Variants in CAD observed in about 807,000 individuals in gnomAD.
CAD encodes the protein multifunctional protein CAD.
CAD carries 81 observed loss-of-function variants against 237.2 expected under a neutral mutation model. The observed-to-expected ratio is 0.34, with a 90% confidence interval of 0.29 to 0.41. The LOEUF (loss-of-function observed/expected upper bound fraction) is 0.41. Ranked by LOEUF, CAD falls within the 10% of genes least tolerant of loss-of-function variation. The pLI, the probability that CAD is intolerant of heterozygous loss-of-function variation, is 1.00. For synonymous variants in CAD, 1,196 were observed against 1,162.8 expected (o/e 1.03, Z -0.58); for missense variants, 2,181 against 2,951.7 (o/e 0.74, Z 6.05).
At chr2:27,231,150 C>T (rs984750930) in intron 15 of CAD, among the ~76,000 whole-genome samples, 16 of 152,302 alleles carry the variant, frequency 1.1e-4, no homozygotes, top group East Asian at 1.9e-4. Flanking sequence ...GGGCTACAGG[C>T]GCCCGCCACC....
rs756586955 is a variant in CAD, at chr2:27,218,005, G to T, written c.211G>T (p.Gly71Cys). 2 of 1,607,306 alleles carry T rather than the reference G, an allele frequency of 1.2e-6. No individual in the cohort carries two copies. The part of the protein sequence containing the change: ...GIPPDEMDEF[G>C]LCKWFESSGI... ...CCCCCCAGATGAAATGGATGAGTTC[G>T]GTCTCTGCAAGGTAGCCACACCCAG... Residue 71 changes from glycine to cysteine, a missense_variant, in exon 2 of 44, where the codon GGT becomes TGT. Transcript: ENST00000264705.
chr2:27,217,851 A>G (rs1558524312), intron 1 of CAD, 26 bp from the exon 2 acceptor site: 1 of 1,568,928 alleles, frequency 6.4e-7, no homozygotes, highest in Admixed American at 1.8e-5. Flanking sequence ...GCCCTACCGG[A>G]GCCCAGCCCT....
Position 27,232,982 on chromosome 2 carries a change from A to G in CAD, c.2893-60A>G. On this transcript the variant is annotated intron_variant, in intron 18 of 43. Transcript: ENST00000264705. The surrounding 1 kb of genome is among the most constrained non-coding windows in gnomAD (Gnocchi z 4.1). ...GGGGCTTTGGCTTAGTTTCTCCACG[A>G]TTTTCTCCACGATTTTCCTCCCACC... 5.1e-6 allele frequency: 6 copies of G among 1,175,634 alleles called. No individual in the cohort carries two copies. Among genetic ancestry groups the G allele is most frequent in the Non-Finnish European group, 7.7e-6 (6 of 783,038 alleles). 72.8% of individuals were successfully genotyped at this position (1,175,634 alleles called of 1,614,324 possible). A position where few individuals can be genotyped will look rare whatever the true frequency, so the allele number is the denominator to read the frequency against.
chr2:27,224,611 A>G, intron 9 of CAD, 121 bp downstream of exon 9: 6 of 1,538,052 alleles, frequency 3.9e-6, no homozygotes, highest in Non-Finnish European at 4.4e-6. Context: ...GTAGAGAAAG[A>G]TGTAGTAAGA....
Position 27,231,290 on chromosome 2 carries a change from G to A in CAD, c.2288-178G>A, listed in dbSNP as rs1675739783. Among the ~76,000 whole-genome samples, 4 of 152,260 alleles carry A rather than the reference G, an allele frequency of 2.6e-5. No individual in the cohort carries two copies. The South Asian group carries it at 6.2e-4, about 24-fold the overall frequency. On this transcript the variant is annotated intron_variant, in intron 15 of 43. Coordinates refer to ENST00000264705, the MANE Select transcript of CAD (RefSeq NM_004341.5). The stretch of plus-strand genomic sequence containing the variant: ...CAAAGTGCTGGGATTACAGGCGTGA[G>A]CCACTGCGCCCGGCCATTAAGATTT...
In CAD at chr2:27,225,090, C is replaced by A. The variant is rs773298563; in HGVS notation, c.1467C>A (p.Thr489=). 2 of 1,614,136 alleles carry A rather than the reference C, an allele frequency of 1.2e-6. No homozygotes were observed. The highest frequency in any genetic ancestry group is 2.2e-5 in the South Asian group (2 of 91,076). Reference sequence around the variant, plus strand: ...CTCTGAACTGTGGTGTGGAGCTGACCAAGGCCGGGGTGCTGGCTCGGTATG... The same window carrying A: ...CTCTGAACTGTGGTGTGGAGCTGACAAAGGCCGGGGTGCTGGCTCGGTATG... ...QTALNCGVEL[T]KAGVLARYGV... Residue 489 remains threonine, a synonymous_variant, in exon 11 of 44, where the codon ACC becomes ACA. Transcript: ENST00000264705.
intron 15 of CAD, among the ~76,000 whole-genome samples, chr2:27,230,468 C>A (rs1346481517): frequency 6.6e-6 from 1 of 151,774 alleles, no homozygotes; most frequent in Non-Finnish European, 1.5e-5. Flanking sequence ...GGTGAAATCC[C>A]GTCTCTAATT....
At position 27,225,250 on chromosome 2, in the gene CAD, GGGGT is replaced by G; in HGVS notation, c.1620+9_1620+12del. The G allele has an allele frequency of 6.5e-7, 1 of 1,541,776 alleles. No individual in the cohort carries two copies. Among genetic ancestry groups the G allele is most frequent in the Non-Finnish European group, 9.0e-7 (1 of 1,115,756 alleles). On this transcript the variant is annotated splice_region_variant and intron_variant, in intron 11 of 43. Coordinates refer to ENST00000264705, the MANE Select transcript of CAD (RefSeq NM_004341.5). ...AGCAAATTCTCTTGAACAGGTTGGA[GGGGT>G]GTTTGGGTAAAGGAAGAATGGTGGT...
intron 6 of CAD, 105 bp downstream of exon 6, chr2:27,223,142 G>C (rs1454836134): frequency 1.4e-5 from 18 of 1,242,948 alleles, no homozygotes; most frequent in Middle Eastern, 2.7e-4. Flanking sequence ...AAATAGGAGC[G>C]GGGGGGTTGC....
At position 27,236,833 on chromosome 2, in the gene CAD, A is replaced by G. The variant is rs1418826044; in HGVS notation, c.4396+3A>G. On this transcript the variant is annotated splice_donor_region_variant and intron_variant, in intron 27 of 43. Coordinates refer to ENST00000264705, the MANE Select transcript of CAD (RefSeq NM_004341.5). The surrounding 1 kb of genome is among the most constrained non-coding windows in gnomAD (Gnocchi z 4.1). ...CCAAAAGCTTGTGCGACTGCCGGGT[A>G]AGTCTTTGGGGAGAACTTGGCTTCT... 4 of 1,613,604 alleles carry G rather than the reference A, an allele frequency of 2.5e-6. No homozygotes were observed. The highest frequency in any genetic ancestry group is 3.4e-6 in the Non-Finnish European group (4 of 1,179,704).
intron 6 of CAD, 38 bp downstream of exon 6, chr2:27,223,075 G>A (rs1253536581): frequency 1.2e-6 from 2 of 1,601,202 alleles, no homozygotes; most frequent in Non-Finnish European, 8.5e-7. Context: ...CCATACTTGT[G>A]GCATGAGGGG....
At chr2:27,224,165 C>T (rs1319590177) in intron 8 of CAD, 136 bp downstream of exon 8, 2 of 906,500 alleles carry the variant, frequency 2.2e-6, no homozygotes, top group African/African-American at 1.7e-5. Flanking sequence ...GCAACCAACC[C>T]AAGATACCGT....
Position 27,218,026 on chromosome 2 carries a change from C to T in CAD, c.222+10C>T, listed in dbSNP as rs532358256. The T allele has an allele frequency of 1.6e-5, 25 of 1,583,944 alleles. No homozygotes were observed. The highest frequency in any genetic ancestry group is 2.1e-5 in the Non-Finnish European group (24 of 1,167,380). ...GTTCGGTCTCTGCAAGGTAGCCACA[C>T]CCAGTGCTTTCTCTACATTCCTTTT... On this transcript the variant is annotated intron_variant, in intron 2 of 43. Coordinates refer to ENST00000264705, the MANE Select transcript of CAD (RefSeq NM_004341.5).
intron 15 of CAD, among the ~76,000 whole-genome samples, chr2:27,229,877 A>G (rs796299706): frequency 0.027 from 1,804 of 67,506 alleles, 29 homozygotes; most frequent in African/African-American, 0.11. Context: ...TACGTCTCAG[A>G]AAAAAAAAAA....
chr2:27,239,047 C>T lies in CAD; in HGVS notation c.5068C>T (p.His1690Tyr). The change falls in exon 32 of 44, where the codon CAT (histidine) becomes TAT (tyrosine). Residue 1690 changes from histidine to tyrosine, a missense_variant. His to Tyr is a moderately conservative substitution (Grantham distance 83, BLOSUM62 2). This residue lies in a region of CAD where 478 missense variants were observed against 515.0 expected (regional missense o/e 0.93). Coordinates refer to ENST00000264705, the MANE Select transcript of CAD (RefSeq NM_004341.5). This position sits in a 1 kb window ranked among gnomAD's most constrained non-coding sequence, Gnocchi z 4.0. Reference sequence around the variant, plus strand: ...AATGGCTTTCTTTCTCCCAGCTCCCCATACCTTGGAGGAGAAGTGTGGGTC... The same window carrying T: ...AATGGCTTTCTTTCTCCCAGCTCCCTATACCTTGGAGGAGAAGTGTGGGTC... The part of the protein sequence containing the change: ...IDCFASDHAP[H>Y]TLEEKCGSRP... 1 of 1,555,052 alleles carries T rather than the reference C, an allele frequency of 6.4e-7. No homozygotes were observed. The highest frequency in any genetic ancestry group is 8.7e-7 in the Non-Finnish European group (1 of 1,153,850).
rs138295722 is a variant in CAD, at chr2:27,222,546, G to A, written c.523G>A (p.Ala175Thr). 76 of 1,613,968 alleles carry A rather than the reference G, an allele frequency of 4.7e-5. No individual in the cohort carries two copies. Among genetic ancestry groups the A allele is most frequent in the Non-Finnish European group, 6.1e-5 (72 of 1,179,984 alleles). ...KTPRVFNTGG[A>T]PRILALDCGL... ...TCCACGGGTATTCAATACAGGGGGTGCCCCTCGGATCCTTGCTTTGGACTG... is the reference window on the plus strand; with the variant it reads ...TCCACGGGTATTCAATACAGGGGGTACCCCTCGGATCCTTGCTTTGGACTG... Residue 175 changes from alanine (A) to threonine (T), a missense_variant, in exon 5 of 44, where the codon GCC (alanine) becomes ACC (threonine). Around this residue, in one of 12 missense-constraint regions of CAD, gnomAD observed 314 missense variants for 339.4 expected, o/e 0.93. Coordinates refer to ENST00000264705, the MANE Select transcript of CAD (RefSeq NM_004341.5).
rs762275688 is a variant in CAD, at chr2:27,243,454, G to T, written c.6614G>T (p.Arg2205Leu). The change falls in exon 44 of 44, where the codon CGC becomes CTC. Residue 2205 changes from arginine (R) to leucine (L), a missense_variant. Around this residue, in one of 12 missense-constraint regions of CAD, gnomAD observed 170 missense variants for 212.1 expected, o/e 0.80. Transcript: ENST00000264705. ...TCGGATCCCCGCGCAGCCTACTTCCGCCAGGCTGAGAACGGCATGTACATC... is the reference window on the plus strand; with the variant it reads ...TCGGATCCCCGCGCAGCCTACTTCCTCCAGGCTGAGAACGGCATGTACATC... ...VDSDPRAAYFRQAENGMYIRM... is the reference protein window; with the variant it reads ...VDSDPRAAYFLQAENGMYIRM... 6.4e-7 allele frequency: 1 copy of T among 1,566,162 alleles called. No homozygotes were observed. The highest frequency in any genetic ancestry group is 1.1e-5 in the South Asian group (1 of 89,140).
rs763613133 is a variant in CAD, at chr2:27,223,958, T to C, written c.1037T>C (p.Met346Thr). 198 of 1,614,002 alleles carry C rather than the reference T, an allele frequency of 1.2e-4. No homozygotes were observed. Among genetic ancestry groups the C allele is most frequent in the Non-Finnish European group, 1.7e-4 (198 of 1,179,976 alleles). Residue 346 changes from methionine to threonine, a missense_variant, in exon 8 of 44, where the codon ATG (methionine) becomes ACG (threonine). Physicochemically the swap from Met to Thr is moderately conservative, Grantham distance 81. This residue lies in a region of CAD where 129 missense variants were observed against 143.3 expected (regional missense o/e 0.90). Transcript: ENST00000264705. ...GAGCACCAAGCTGGCCCTTCAGATA[T>C]GGAACTGCTTTTCGATATCTTTCTG... ...HPEHQAGPSD[M>T]ELLFDIFLET...
intron 8 of CAD, 68 bp downstream of exon 8, chr2:27,224,097 G>A (rs138024401): frequency 4.8e-5 from 57 of 1,196,862 alleles, no homozygotes; most frequent in Non-Finnish European, 6.1e-5. Flanking sequence ...GGCATAAGGT[G>A]GACATGCCCT....
Sources: gnomAD v4.1 joint callset for allele counts (sites outside exome capture counted in the v4.1 genomes callset) on GRCh38, gnomAD v4.1.1 for gene constraint, gnomAD v4.1.1 regional missense constraint, Gnocchi (gnomAD v3.1) non-coding constraint, MANE v1.5 for transcripts, NCBI Gene and HGNC (gene_info 2026-07-23, HGNC 2026-07-21) for gene names.